The following KLF17 variants were observed in gnomAD, a reference collection of about 807,000 sequenced individuals.
KLF17 encodes the protein Krueppel-like factor 17.
Under a neutral mutation model 34.2 loss-of-function variants are expected in KLF17, and 31 were observed. The ratio of observed to expected loss-of-function variants is 0.91; its 90% confidence interval spans 0.68 to 1.22. KLF17 has a LOEUF of 1.22. KLF17 is among the 50% of genes most tolerant of loss of function. The pLI is 0.00. For synonymous variants in KLF17, 179 were observed against 186.7 expected (o/e 0.96, Z 0.34); for missense variants, 478 against 505.2 (o/e 0.95, Z 0.52).
the KLF17 span, among the ~76,000 whole-genome samples, chr1:44,087,194 CG>C: frequency 6.6e-6 from 1 of 151,996 alleles, no homozygotes; most frequent in Non-Finnish European, 1.5e-5. Flanking sequence ...TTCAGGCTGC[CG>C]TAACAAGATA....
the KLF17 span, among the ~76,000 whole-genome samples, chr1:44,049,623 C>G: frequency 2.0e-5 from 3 of 152,214 alleles, no homozygotes; most frequent in Non-Finnish European, 4.4e-5. Context: ...GCTGGGACTA[C>G]AGGCATGTGC....
chr1:44,054,478 C>CTTTTTTT, the KLF17 span, among the ~76,000 whole-genome samples: 1 of 100,206 alleles, frequency 1.0e-5, no homozygotes, highest in African/African-American at 3.9e-5. Flanking sequence ...ATCAGTGTGC[C>CTTTTTTT]TTTTTTTTTT....
the KLF17 span, among the ~76,000 whole-genome samples, chr1:44,093,344 C>A: frequency 1.3e-5 from 2 of 152,074 alleles, no homozygotes; most frequent in African/African-American, 4.8e-5. Flanking sequence ...ACTACCCCAG[C>A]GGGGCTTTAG....
At chr1:44,096,601 C>T in the KLF17 span, among the ~76,000 whole-genome samples, 1 of 151,694 alleles carries the variant, frequency 6.6e-6, no homozygotes. Context: ...AGGTTTACAC[C>T]GTGTTAGCCA....
At position 44,130,090 on chromosome 1, in the gene KLF17, T is replaced by G. The variant is rs1166570021; in HGVS notation, c.819T>G (p.Gly273=). The G allele has an allele frequency of 3.7e-6, 6 of 1,614,066 alleles. No individual in the cohort carries two copies. In the African/African-American group the frequency reaches 8.0e-5, roughly 22 times the overall value. The change falls in exon 2 of 4, where the codon GGT becomes GGG. Residue 273 remains glycine, a synonymous_variant. Transcript: ENST00000372299. ...ACTCCAGGCCTCAGGAAGGGACTGG[T>G]AGAAGGGGCTCCTCAGAGGCAAGGC... is the stretch of plus-strand genomic sequence containing the variant. ...EKNSRPQEGT[G]RRGSSEARPY...
At chr1:44,126,848 T>G (rs1009686643) in intron 1 of KLF17, among the ~76,000 whole-genome samples, 3 of 152,026 alleles carry the variant, frequency 2.0e-5, no homozygotes, top group African/African-American at 7.3e-5. Context: ...AAAATATATA[T>G]TTTTTACCTT....
the KLF17 span, among the ~76,000 whole-genome samples, chr1:44,085,432 G>A: frequency 9.2e-5 from 14 of 152,234 alleles, no homozygotes; most frequent in East Asian, 2.5e-3. Context: ...AAGTAATGGT[G>A]AGCCATGTGG....
the KLF17 span, among the ~76,000 whole-genome samples, chr1:44,057,182 A>C: frequency 1.3e-5 from 2 of 152,098 alleles, no homozygotes; most frequent in African/African-American, 4.8e-5. Context: ...TTGAGACAAA[A>C]GCTTTGCCTC....
At chr1:44,066,333 A>G in the KLF17 span, among the ~76,000 whole-genome samples, 1 of 147,434 alleles carries the variant, frequency 6.8e-6, no homozygotes, top group South Asian at 2.1e-4. Context: ...GAAACAAACA[A>G]AAACCCTCCC....
chr1:44,093,046 T>TTC, the KLF17 span, among the ~76,000 whole-genome samples: 44,288 of 151,464 alleles, frequency 0.29, 6,711 homozygotes, highest in South Asian at 0.34. Context: ...CAAAGGAGAA[T>TTC]AAATTCAAGT....
intron 1 of KLF17, among the ~76,000 whole-genome samples, chr1:44,121,024 G>T (rs1426150634): frequency 1.3e-5 from 2 of 152,000 alleles, no homozygotes; most frequent in African/African-American, 4.8e-5. Context: ...AATAAAACAA[G>T]ATCTTCCCAA....
At chr1:44,083,639 C>G in the KLF17 span, among the ~76,000 whole-genome samples, 3 of 151,798 alleles carry the variant, frequency 2.0e-5, no homozygotes, top group Non-Finnish European at 4.4e-5. Flanking sequence ...ACTAAAAATA[C>G]AAAAATTAGT....
At chr1:44,071,297 C>A in the KLF17 span, among the ~76,000 whole-genome samples, 1 of 152,214 alleles carries the variant, frequency 6.6e-6, no homozygotes, top group Non-Finnish European at 1.5e-5. Context: ...TCTTTTCTAT[C>A]CCTCTCCACA....
the KLF17 span, among the ~76,000 whole-genome samples, chr1:44,099,567 A>G: frequency 0.33 from 49,754 of 150,770 alleles, 8,303 homozygotes; most frequent in South Asian, 0.38. Flanking sequence ...ATCAGGAGTC[A>G]GGAGGCCAAG....
intron 1 of KLF17, chr1:44,122,539 C>A (rs959914248): frequency 2.6e-5 from 21 of 817,930 alleles, no homozygotes; most frequent in Non-Finnish European, 4.0e-5. Flanking sequence ...CCCTTTGGGT[C>A]CGATAGCACA....
intron 1 of KLF17, among the ~76,000 whole-genome samples, chr1:44,128,983 G>A (rs1482526744): frequency 6.6e-6 from 1 of 151,790 alleles, no homozygotes; most frequent in Non-Finnish European, 1.5e-5. Flanking sequence ...TTGCACTCCA[G>A]CCTGGGCAAC....
the KLF17 span, among the ~76,000 whole-genome samples, chr1:44,052,369 C>T: frequency 1.3e-5 from 2 of 152,138 alleles, no homozygotes; most frequent in Non-Finnish European, 2.9e-5. Context: ...GTTCCCAGGC[C>T]CCTGATGGAC....
intron 1 of KLF17, among the ~76,000 whole-genome samples, chr1:44,119,886 G>C (rs920721481): frequency 6.6e-6 from 1 of 152,224 alleles, no homozygotes; most frequent in Non-Finnish European, 1.5e-5. Context: ...GTGCCCTGGT[G>C]GATGTGGGCT....
chr1:44,090,365 G>T, the KLF17 span, among the ~76,000 whole-genome samples: 1 of 126,008 alleles, frequency 7.9e-6, no homozygotes, highest in African/African-American at 3.0e-5. Flanking sequence ...CCTGGTTCTT[G>T]ATACAGAAAA....
Sources: gnomAD v4.1 joint callset for allele counts (sites outside exome capture counted in the v4.1 genomes callset) on GRCh38, gnomAD v4.1.1 for gene constraint, MANE v1.5 for transcripts, NCBI Gene and HGNC (gene_info 2026-07-23, HGNC 2026-07-21) for gene names.